Variants in STAM observed in about 807,000 individuals in gnomAD.
STAM encodes the protein signal transducing adaptor molecule.
A neutral mutation model predicts 63.4 loss-of-function variants in STAM; 16 were observed. That is an observed-to-expected ratio of 0.25 (90% CI 0.17 to 0.38). The LOEUF is 0.38. Among genes scored for constraint, STAM ranks in the 10% least tolerant of loss-of-function variants. The pLI, the probability that STAM is intolerant of heterozygous loss-of-function variation, is 1.00. For synonymous variants in STAM, 238 were observed against 223.9 expected (o/e 1.06, Z -0.56); for missense variants, 636 against 657.1 (o/e 0.97, Z 0.35).
At chr10:17,691,242 G>A (rs1291864178) in intron 5 of STAM, among the ~76,000 whole-genome samples, 1 of 152,196 alleles carries the variant, frequency 6.6e-6, no homozygotes, top group Non-Finnish European at 1.5e-5. Context: ...TGCCTGGCCG[G>A]GCGCGGTGGC....
chr10:17,654,884 G>A (rs1554821965), intron 1 of STAM, among the ~76,000 whole-genome samples: 1 of 152,116 alleles, frequency 6.6e-6, no homozygotes, highest in Non-Finnish European at 1.5e-5. Flanking sequence ...AGTATTTTAG[G>A]TCTTAATGTT....
intron 1 of STAM, among the ~76,000 whole-genome samples, chr10:17,647,510 T>G (rs545087808): frequency 3.7e-4 from 57 of 152,254 alleles, no homozygotes; most frequent in African/African-American, 7.5e-4. Flanking sequence ...TCCACTTTTT[T>G]TTTTCCCTTA....
intron 8 of STAM, 145 bp from the exon 9 acceptor site, chr10:17,700,046 T>G (rs1835921455): frequency 1.9e-6 from 1 of 530,182 alleles, no homozygotes; most frequent in African/African-American, 2.0e-5. Flanking sequence ...TGCCAAAATC[T>G]GCAACTCAGT....
intron 7 of STAM, chr10:17,696,453 A>T (rs1435512885): frequency 4.5e-6 from 1 of 222,284 alleles, no homozygotes; most frequent in Non-Finnish European, 8.8e-6. Context: ...ATAGCTCATT[A>T]CAAAGACTTC....
chr10:17,704,586 G>C (rs1450123686), intron 10 of STAM, 68 bp downstream of exon 10: 1 of 1,322,658 alleles, frequency 7.6e-7, no homozygotes, highest in African/African-American at 1.5e-5. Context: ...TCCTGTTAAA[G>C]AATGGGTTTT....
intron 4 of STAM, among the ~76,000 whole-genome samples, chr10:17,686,929 T>C (rs74118008): frequency 0.02 from 3,048 of 152,322 alleles, 98 homozygotes; most frequent in African/African-American, 0.07. Context: ...AGGAGTTATT[T>C]CTTCTCTGGT....
At chr10:17,644,837 C>A (rs1202948517) in intron 1 of STAM, among the ~76,000 whole-genome samples, 1 of 152,114 alleles carries the variant, frequency 6.6e-6, no homozygotes, top group Non-Finnish European at 1.5e-5. Context: ...ATTTTAAAAT[C>A]TTTTGTAACG....
intron 12 of STAM, 55 bp from the exon 13 acceptor site, chr10:17,708,721 C>T: frequency 1.3e-6 from 2 of 1,506,960 alleles, no homozygotes; most frequent in African/African-American, 1.4e-5. Context: ...AGAGAAAGTT[C>T]AGTATGCTTA....
intron 1 of STAM, among the ~76,000 whole-genome samples, chr10:17,644,681 CTG>C (rs1320139919): frequency 6.6e-6 from 1 of 152,182 alleles, no homozygotes; most frequent in African/African-American, 2.4e-5. Flanking sequence ...GGTGCAGGGA[CTG>C]TGCTTCTGGA....
intron 2 of STAM, among the ~76,000 whole-genome samples, chr10:17,671,633 A>C (rs1834644522): frequency 1.3e-5 from 2 of 152,218 alleles, no homozygotes; most frequent in South Asian, 4.1e-4. Context: ...TCAGGGATGC[A>C]ACATGCCAGA....
chr10:17,693,487 C>T (rs529104663), intron 6 of STAM, among the ~76,000 whole-genome samples, 175 bp downstream of exon 6: 4 of 152,184 alleles, frequency 2.6e-5, no homozygotes, highest in Non-Finnish European at 5.9e-5. Context: ...TGTATCCTTT[C>T]AGTCTATGTT....
chr10:17,649,258 G>A (rs542453509), intron 1 of STAM, among the ~76,000 whole-genome samples: 1 of 152,144 alleles, frequency 6.6e-6, no homozygotes, highest in Non-Finnish European at 1.5e-5. Flanking sequence ...AAAAAAGTTA[G>A]CTGGCATGGT....
At chr10:17,660,292 A>T (rs1554822714) in intron 1 of STAM, among the ~76,000 whole-genome samples, 172 bp from the exon 2 acceptor site, 1 of 152,232 alleles carries the variant, frequency 6.6e-6, no homozygotes, top group Non-Finnish European at 1.5e-5. Context: ...ATTGCAAGAG[A>T]TAATGAGCGT....
intron 1 of STAM, among the ~76,000 whole-genome samples, chr10:17,659,200 C>A (rs1171926770): frequency 6.6e-6 from 1 of 151,966 alleles, no homozygotes; most frequent in Non-Finnish European, 1.5e-5. Context: ...TGTACCACTT[C>A]ATGTGTAATG....
At chr10:17,673,603 G>C (rs900173183) in intron 2 of STAM, among the ~76,000 whole-genome samples, 7 of 152,202 alleles carry the variant, frequency 4.6e-5, no homozygotes, top group Admixed American at 1.3e-4. Context: ...CCAAGGATGA[G>C]CTGTGTAACC....
chr10:17,680,416 CTTTT>C (rs369061075), intron 2 of STAM, among the ~76,000 whole-genome samples: 1 of 142,282 alleles, frequency 7.0e-6, no homozygotes, highest in Non-Finnish European at 1.5e-5. Flanking sequence ...TTTGACTACT[CTTTT>C]TTTTTTTTTT....
At chr10:17,666,387 A>ATTTTTTTTTTTTTTTT (rs10673746) in intron 2 of STAM, among the ~76,000 whole-genome samples, 14 of 85,912 alleles carry the variant, frequency 1.6e-4, no homozygotes, top group African/African-American at 7.0e-4. Flanking sequence ...TTGGCTTTGT[A>ATTTTTTTTTTTTTTTT]TTTTTTTTTT....
chr10:17,706,728 T>C (rs1836301016), intron 12 of STAM, among the ~76,000 whole-genome samples: 1 of 152,144 alleles, frequency 6.6e-6, no homozygotes, highest in Non-Finnish European at 1.5e-5. Context: ...TTAAGAACCT[T>C]AGTTCTTCAT....
intron 8 of STAM, among the ~76,000 whole-genome samples, chr10:17,697,842 T>C (rs1835828709): frequency 6.6e-6 from 1 of 152,122 alleles, no homozygotes; most frequent in African/African-American, 2.4e-5. Flanking sequence ...GCAAAATATC[T>C]CATTATCGTT....
Sources: allele counts gnomAD v4.1 joint callset (sites outside exome capture counted in the v4.1 genomes callset), GRCh38; gene constraint gnomAD v4.1.1; transcripts MANE v1.5; gene names NCBI Gene and HGNC (gene_info 2026-07-23, HGNC 2026-07-21).